The following CPSF4L variants were observed in gnomAD, a reference collection of about 807,000 sequenced individuals.
CPSF4L encodes cleavage and polyadenylation specific factor 4 like.
Under a neutral mutation model 24.0 loss-of-function variants are expected in CPSF4L, and 18 were observed. The observed-to-expected ratio is 0.75, with a 90% CI of 0.52 to 1.11. The LOEUF (loss-of-function observed/expected upper bound fraction) is 1.11, where lower values mean the gene tolerates loss of function less well. Ranked by LOEUF, CPSF4L falls within the 50% of genes least tolerant of loss-of-function variation. The pLI is 0.00. For missense variants in CPSF4L, 211 were observed against 221.8 expected (o/e 0.95, Z 0.31); for synonymous variants, 72 against 77.2 (o/e 0.93, Z 0.35).
chr17:73,245,434 T>C (rs2061937006), downstream of CPSF4L: 4 of 1,181,530 alleles, frequency 3.4e-6, no homozygotes, highest in Admixed American at 4.4e-5. Context: ...AACTGAGAAT[T>C]AGAGAAAAAC....
At chr17:73,243,004 G>A in the CPSF4L span, 2 of 1,607,946 alleles carry the variant, frequency 1.2e-6, no homozygotes, top group South Asian at 2.2e-5. Context: ...AGACGTCTGA[G>A]TAAGTCTTTC....
At chr17:73,256,243 G>A (rs753284097) in intron 3 of CPSF4L, among the ~76,000 whole-genome samples, 6 of 152,216 alleles carry the variant, frequency 3.9e-5, no homozygotes, top group Non-Finnish European at 4.4e-5. Flanking sequence ...CAGAATGCTA[G>A]GCAGTGACCA....
chr17:73,259,365 A>G (rs964471927), intron 2 of CPSF4L, among the ~76,000 whole-genome samples: 2 of 151,014 alleles, frequency 1.3e-5, no homozygotes, highest in African/African-American at 4.9e-5. Flanking sequence ...AAAAAAAAAA[A>G]ATTATGTTTT....
chr17:73,248,113 T>C (rs1024937413), downstream of CPSF4L: 2 of 216,770 alleles, frequency 9.2e-6, no homozygotes, highest in Non-Finnish European at 1.9e-5. Context: ...GGTGCAATAC[T>C]GATGTAAAGT....
At chr17:73,250,888 A>T in intron 5 of CPSF4L, 1 of 1,050,286 alleles carries the variant, frequency 9.5e-7, no homozygotes, top group Non-Finnish European at 1.3e-6. Flanking sequence ...GCAGAAAAGG[A>T]GTCATTCTCC....
chr17:73,248,562 T>G, intron 5 of CPSF4L, 26 bp from the exon 6 acceptor site: 1 of 1,551,148 alleles, frequency 6.4e-7, no homozygotes, highest in African/African-American at 1.4e-5. Context: ...AAATGCAGCG[T>G]GAGAATCCAT....
In CPSF4L at chr17:73,248,512, C is replaced by A. The variant is rs780683510; in HGVS notation, c.522G>T (p.Leu174=). 1.9e-6 allele frequency: 3 copies of A among 1,551,582 alleles called. No individual in the cohort carries two copies. The African/African-American group carries it at 4.1e-5, about 21-fold the overall frequency. The change falls in exon 6 of 6, where the codon CTG becomes CTT. Residue 174 remains leucine, a synonymous_variant. Coordinates refer to ENST00000344935, the MANE Select transcript of CPSF4L (RefSeq NM_001129885.1). ...FAQKIREFKL[L]PGSKI ...GCAACGCTTAGATCTTGCTTCCAGG[C>A]AGCAGCTTGAATTCCCGAATCTTCC...
At chr17:73,248,416 G>A (rs964211971), downstream of CPSF4L, 11 of 1,255,224 alleles carry the variant, frequency 8.8e-6, no homozygotes, top group African/African-American at 1.2e-4. Flanking sequence ...TTAAAATCAT[G>A]CTGCAGAAGG....
At chr17:73,247,061 G>A (rs143124083), downstream of CPSF4L, among the ~76,000 whole-genome samples, 119 of 152,220 alleles carry the variant, frequency 7.8e-4, 1 homozygote, top group African/African-American at 2.7e-3. Flanking sequence ...TGTGACCCAC[G>A]GACCAAAGCC....
downstream of CPSF4L, among the ~76,000 whole-genome samples, chr17:73,243,762 T>G (rs1399196151): frequency 1.3e-5 from 2 of 152,056 alleles, no homozygotes; most frequent in African/African-American, 2.4e-5. Flanking sequence ...CTCGAACTCC[T>G]GACCTCATGA....
intron 3 of CPSF4L, among the ~76,000 whole-genome samples, chr17:73,254,529 A>G (rs1488918103): frequency 1.3e-5 from 2 of 152,200 alleles, no homozygotes; most frequent in Non-Finnish European, 2.9e-5. Context: ...CAGAGTGGGC[A>G]CCTGCATTAT....
At chr17:73,250,892 A>G in intron 5 of CPSF4L, 1 of 1,134,262 alleles carries the variant, frequency 8.8e-7, no homozygotes, top group Non-Finnish European at 1.2e-6. Flanking sequence ...AAAAGGAGTC[A>G]TTCTCCAGCT....
chr17:73,253,597 T>C (rs1047791660), intron 4 of CPSF4L, among the ~76,000 whole-genome samples: 3 of 152,210 alleles, frequency 2.0e-5, no homozygotes, highest in African/African-American at 7.2e-5. Flanking sequence ...GTAAGTGGAA[T>C]GCGGAAGAGA....
the CPSF4L span, chr17:73,242,980 G>A: frequency 6.2e-7 from 1 of 1,613,442 alleles, no homozygotes; most frequent in Middle Eastern, 1.7e-4. Context: ...GTCCTGTGTT[G>A]TAGCTGGAGT....
chr17:73,245,472 T>G, downstream of CPSF4L: 1 of 1,106,732 alleles, frequency 9.0e-7, no homozygotes, highest in Non-Finnish European at 1.1e-6. Context: ...AAAGTTGTTA[T>G]TCAAGGAGAT....
chr17:73,258,067 C>T (rs1358137893), intron 2 of CPSF4L, among the ~76,000 whole-genome samples: 2 of 150,966 alleles, frequency 1.3e-5, no homozygotes, highest in African/African-American at 4.9e-5. Flanking sequence ...TGGAGTGCAG[C>T]GGCGCGATCT....
intron 2 of CPSF4L, among the ~76,000 whole-genome samples, chr17:73,259,197 A>C (rs2062035601): frequency 6.6e-6 from 1 of 151,708 alleles, no homozygotes; most frequent in Non-Finnish European, 1.5e-5. Flanking sequence ...GCACCACCAC[A>C]CTGAGCTAAT....
intron 5 of CPSF4L, among the ~76,000 whole-genome samples, chr17:73,249,187 G>A (rs2061991087): frequency 6.6e-6 from 1 of 152,192 alleles, no homozygotes; most frequent in African/African-American, 2.4e-5. Flanking sequence ...TCTAAAGCCT[G>A]TAGTATGTGC....
At chr17:73,247,355 GT>G (rs1296326729), downstream of CPSF4L, 3 of 1,614,056 alleles carry the variant, frequency 1.9e-6, no homozygotes, top group Non-Finnish European at 2.5e-6. Context: ...GCACGTTTAA[GT>G]AGGAGAAGCC....
Sources: allele counts gnomAD v4.1 joint callset (sites outside exome capture counted in the v4.1 genomes callset), GRCh38; gene constraint gnomAD v4.1.1; transcripts MANE v1.5; gene names NCBI Gene and HGNC (gene_info 2026-07-23, HGNC 2026-07-21).